CDKAL1: variants seen among roughly 807,000 people sequenced by gnomAD.
The protein encoded by CDKAL1 is threonylcarbamoyladenosine tRNA methylthiotransferase.
In CDKAL1, 32 loss-of-function variants were observed where a neutral mutation model predicts 68.2. That is an observed-to-expected ratio of 0.47 (90% CI 0.35 to 0.63). The LOEUF (loss-of-function observed/expected upper bound fraction) is 0.63. Among genes scored for constraint, CDKAL1 ranks in the 30% least tolerant of loss-of-function variants. The pLI is 0.00. For synonymous variants in CDKAL1, 234 were observed against 244.3 expected (o/e 0.96, Z 0.39); for missense variants, 606 against 696.7 (o/e 0.87, Z 1.47).
intron 9 of CDKAL1, among the ~76,000 whole-genome samples, chr6:20,934,276 A>G (rs1763602025): frequency 6.6e-6 from 1 of 152,180 alleles, no homozygotes; most frequent in Non-Finnish European, 1.5e-5. Flanking sequence ...TTTAAAGCCA[A>G]GTTTTCAAAT....
At chr6:20,642,177 G>A (rs1481883268) in intron 4 of CDKAL1, among the ~76,000 whole-genome samples, 2 of 152,040 alleles carry the variant, frequency 1.3e-5, no homozygotes, top group African/African-American at 4.8e-5. Context: ...AAGAAAACAT[G>A]GGTGAATTAC....
intron 5 of CDKAL1, among the ~76,000 whole-genome samples, chr6:20,651,857 T>C (rs970276148): frequency 1.3e-5 from 2 of 152,236 alleles, no homozygotes; most frequent in African/African-American, 4.8e-5. Flanking sequence ...TTATGTTTAT[T>C]GATTTACATA....
intron 6 of CDKAL1, among the ~76,000 whole-genome samples, chr6:20,756,423 A>G (rs147282135): frequency 1.6e-3 from 244 of 152,198 alleles, no homozygotes; most frequent in Non-Finnish European, 2.8e-3. Context: ...AAACATATTC[A>G]TTTTAGTCTG....
intron 6 of CDKAL1, among the ~76,000 whole-genome samples, chr6:20,742,019 A>G (rs900198419): frequency 1.3e-5 from 2 of 152,036 alleles, no homozygotes; most frequent in African/African-American, 4.8e-5. Context: ...GGCATGAGGT[A>G]GTATCTCATT....
chr6:20,558,863 A>T (rs1201715847), intron 4 of CDKAL1: 1 of 310,258 alleles, frequency 3.2e-6, no homozygotes, highest in Non-Finnish European at 6.3e-6. Flanking sequence ...TCCTGAGCTC[A>T]ACCAATCCAC....
intron 6 of CDKAL1, among the ~76,000 whole-genome samples, chr6:20,743,945 G>A (rs560668571): frequency 6.6e-6 from 1 of 152,320 alleles, no homozygotes; most frequent in South Asian, 2.1e-4. Flanking sequence ...TTAGCATGAA[G>A]TGAAGTTTAA....
At chr6:20,780,670 C>CT (rs1223553462) in intron 7 of CDKAL1, among the ~76,000 whole-genome samples, 1,546 of 38,062 alleles carry the variant, frequency 0.041, 48 homozygotes, top group African/African-American at 0.11. Context: ...ATTTCTTTTT[C>CT]TTTTTTTTTT....
chr6:20,889,617 T>G (rs928733513), intron 9 of CDKAL1, among the ~76,000 whole-genome samples: 10 of 152,228 alleles, frequency 6.6e-5, no homozygotes, highest in African/African-American at 2.4e-4. Context: ...TAATAGGGAA[T>G]CCTTTCCCCA....
At chr6:20,782,589 CT>C (rs1775478602) in intron 8 of CDKAL1, among the ~76,000 whole-genome samples, 1 of 152,100 alleles carries the variant, frequency 6.6e-6, no homozygotes, top group Admixed American at 6.5e-5. Context: ...TTCTCTTTTT[CT>C]CAGTTGCCTT....
chr6:20,613,241 A>G (rs1357033714), intron 4 of CDKAL1, among the ~76,000 whole-genome samples: 2 of 92,374 alleles, frequency 2.2e-5, no homozygotes, highest in East Asian at 7.3e-4. Flanking sequence ...TCATCACAAA[A>G]TTTCTTTCTT....
In CDKAL1 at chr6:20,755,718, G is replaced by T. The variant is rs181908968; in HGVS notation, c.469-2877G>T. Among the ~76,000 whole-genome samples the T allele has an allele frequency of 5.9e-5, 9 of 152,242 alleles. No homozygotes were observed. The East Asian group carries it at 1.7e-3, about 29-fold the overall frequency. Reference sequence around the variant, plus strand: ...TTGGGTCAGTCTGTTTGTCTGTTTGGCTCCTACTGTAGAACTGCTGGGACT... The same window carrying T: ...TTGGGTCAGTCTGTTTGTCTGTTTGTCTCCTACTGTAGAACTGCTGGGACT... On this transcript the variant is annotated intron_variant, in intron 6 of 15. Transcript: ENST00000274695.
chr6:20,635,766 G>A (rs1767878882), intron 4 of CDKAL1, among the ~76,000 whole-genome samples: 1 of 152,192 alleles, frequency 6.6e-6, no homozygotes, highest in Admixed American at 6.5e-5. Context: ...CTTTGGCTGA[G>A]TCTGAAAATC....
intron 5 of CDKAL1, among the ~76,000 whole-genome samples, chr6:20,686,062 T>TA (rs1339476991): frequency 6.8e-6 from 1 of 146,250 alleles, no homozygotes; most frequent in Non-Finnish European, 1.5e-5. Context: ...GAAACCTTGC[T>TA]AAATAGCTTA....
chr6:21,217,774 A>G (rs533111949), intron 15 of CDKAL1, among the ~76,000 whole-genome samples: 1 of 152,232 alleles, frequency 6.6e-6, no homozygotes. Context: ...CTGGGATTAC[A>G]GGCGTGAGCC....
At chr6:21,227,178 G>C (rs755074144) in intron 15 of CDKAL1, among the ~76,000 whole-genome samples, 2 of 152,140 alleles carry the variant, frequency 1.3e-5, no homozygotes, top group Non-Finnish European at 2.9e-5. Context: ...TGTGTGTGTC[G>C]ACTTTTTCTA....
At chr6:21,173,879 G>A (rs1777483297) in intron 13 of CDKAL1, among the ~76,000 whole-genome samples, 1 of 152,148 alleles carries the variant, frequency 6.6e-6, no homozygotes, top group South Asian at 2.1e-4. Flanking sequence ...AGACCAGCCT[G>A]GGCAACATAG....
chr6:21,174,150 T>G (rs986169232), intron 13 of CDKAL1, among the ~76,000 whole-genome samples: 7 of 152,096 alleles, frequency 4.6e-5, no homozygotes, highest in African/African-American at 1.7e-4. Flanking sequence ...GAAAAAGATC[T>G]CATTCGCTAA....
At chr6:20,735,303 A>T (rs551314564) in intron 5 of CDKAL1, among the ~76,000 whole-genome samples, 34 of 116,950 alleles carry the variant, frequency 2.9e-4, no homozygotes, top group African/African-American at 9.9e-4. Context: ...GTAATTTATT[A>T]AAAAAAAGAG....
At chr6:21,015,798 G>T (rs1014277018) in intron 11 of CDKAL1, among the ~76,000 whole-genome samples, 2 of 151,676 alleles carry the variant, frequency 1.3e-5, no homozygotes, top group African/African-American at 4.8e-5. Context: ...GTGATGGTGC[G>T]CACCTGTAAT....
Sources: gnomAD v4.1 joint callset for allele counts (sites outside exome capture counted in the v4.1 genomes callset) on GRCh38, gnomAD v4.1.1 for gene constraint, MANE v1.5 for transcripts, NCBI Gene and HGNC (gene_info 2026-07-23, HGNC 2026-07-21) for gene names.